Variants in RGS14 observed in about 807,000 individuals in gnomAD.
RGS14 encodes regulator of G-protein signaling 14.
RGS14 carries 33 observed loss-of-function variants against 63.8 expected under a neutral mutation model. That is an observed-to-expected ratio of 0.52 (90% CI 0.39 to 0.69). The LOEUF is 0.69. Ranked by LOEUF, RGS14 falls within the 30% of genes least tolerant of loss-of-function variation. The probability of loss-of-function intolerance (pLI) is 0.00; values close to 1 mark genes in which losing one functional copy is unlikely to be tolerated. For synonymous variants in RGS14, 296 were observed against 320.9 expected (o/e 0.92, Z 0.83); for missense variants, 739 against 742.9 (o/e 0.99, Z 0.06).
At chr5:177,363,454 G>C (rs1245505470) in intron 1 of RGS14, among the ~76,000 whole-genome samples, 1 of 152,164 alleles carries the variant, frequency 6.6e-6, no homozygotes, top group Non-Finnish European at 1.5e-5. Context: ...GCCCGAAGTT[G>C]TAAAACTGGA....
chr5:177,358,083 C>T lies in RGS14; in HGVS notation c.45+14C>T. ...AACGGGCGCATGGTGAGTGTGGGCT[C>T]CGGGCCAGGGCCACGAGGAGGGGGT... On this transcript the variant is annotated intron_variant, in intron 1 of 14. Coordinates refer to ENST00000408923, the MANE Select transcript of RGS14 (RefSeq NM_006480.5). The surrounding 1 kb of genome is among the most constrained non-coding windows in gnomAD (Gnocchi z 4.8). The T allele has an allele frequency of 7.5e-7, 1 of 1,340,436 alleles. No individual in the cohort carries two copies. The highest frequency in any genetic ancestry group is 2.0e-5 in the South Asian group (1 of 49,816). The allele number at this position is 1,340,436 out of a possible 1,614,324, so 83.0% of individuals were successfully genotyped here. A position where few individuals can be genotyped will look rare whatever the true frequency, so the allele number is the denominator to read the frequency against.
Position 177,371,300 on chromosome 5 carries a change from AG to A in RGS14, c.1337-45del, listed in dbSNP as rs775746624. The A allele has an allele frequency of 6.2e-7, 1 of 1,613,816 alleles. No homozygotes were observed. The highest frequency in any genetic ancestry group is 8.5e-7 in the Non-Finnish European group (1 of 1,179,866). The stretch of plus-strand genomic sequence containing the variant: ...CTGGAACAGCTGTGGCCCAGGAGGA[AG>A]GGGGTCCAGGTGGGAGGCAAACACT... On this transcript the variant is annotated intron_variant, in intron 12 of 14. Transcript: ENST00000408923. This position sits in a 1 kb window ranked among gnomAD's most constrained non-coding sequence, Gnocchi z 6.1.
In RGS14 at chr5:177,368,846, A is replaced by T. The variant is rs746132172; in HGVS notation, c.979A>T (p.Met327Leu). The T allele has an allele frequency of 6.2e-7, 1 of 1,614,242 alleles. No homozygotes were observed. The highest frequency in any genetic ancestry group is 1.1e-5 in the South Asian group (1 of 91,088). ...CAGACCTGGCCTCACCATCCGAGAC[A>T]TGCTGGCAGGGATCTGTGAGAAACG... is the stretch of plus-strand genomic sequence containing the variant. Reference protein sequence around the residue: ...LARPGLTIRDMLAGICEKRGL... With the variant: ...LARPGLTIRDLLAGICEKRGL... Residue 327 changes from methionine (M) to leucine (L), a missense_variant, in exon 9 of 15, where the codon ATG (methionine) becomes TTG (leucine). Met to Leu is a conservative substitution (Grantham distance 15). Transcript: ENST00000408923.
In RGS14 at chr5:177,360,348, A is replaced by C. The variant is rs2127325517; in HGVS notation, c.45+2279A>C. ...CAGCACTTTGGAAGGCCAATGCAGG[A>C]GGATCGCTTGAGCCCAGGAGTTTGA... On this transcript the variant is annotated intron_variant, in intron 1 of 14. Coordinates refer to ENST00000408923, the MANE Select transcript of RGS14 (RefSeq NM_006480.5). 2.0e-5 allele frequency among the ~76,000 whole-genome samples: 3 copies of C among 152,036 alleles called. No individual in the cohort carries two copies. In the Middle Eastern group the frequency reaches 0.01, roughly 517 times the overall value.
intron 9 of RGS14, among the ~76,000 whole-genome samples, chr5:177,370,295 G>T (rs1237184821): frequency 1.3e-5 from 2 of 152,200 alleles, no homozygotes; most frequent in Non-Finnish European, 2.9e-5. Context: ...AGAGATCCCG[G>T]ATCTAGGCCT....
In RGS14 at chr5:177,359,299, T is replaced by C. The variant is rs1308122641; in HGVS notation, c.45+1230T>C. ...GCCAGCTCAGCCCCCCATCTCACTG[T>C]CTGCAGTACCGACCCCACAACGAAA... On this transcript the variant is annotated intron_variant, in intron 1 of 14. Transcript: ENST00000408923. This position sits in a 1 kb window ranked among gnomAD's most constrained non-coding sequence, Gnocchi z 4.4. Among the ~76,000 whole-genome samples the C allele has an allele frequency of 1.3e-5, 2 of 152,110 alleles. No homozygotes were observed. The highest frequency in any genetic ancestry group is 1.5e-5 in the Non-Finnish European group (1 of 68,004).
Position 177,371,947 on chromosome 5 carries a change from C to T in RGS14, c.1573C>T (p.Leu525=). The change falls in exon 15 of 15, where the codon CTG becomes TTG. Residue 525 remains leucine (L), a synonymous_variant. Transcript: ENST00000408923. This position sits in a 1 kb window ranked among gnomAD's most constrained non-coding sequence, Gnocchi z 6.1. ...DQRGLLRKED[L]VLPEFLQLPA... ...GAGGGGCCTTCTGAGGAAAGAGGAC[C>T]TGGTACTTCCAGAATTTCTGCAGCT... 1.2e-6 allele frequency: 2 copies of T among 1,614,160 alleles called. No individual in the cohort carries two copies. Among genetic ancestry groups the T allele is most frequent in the Middle Eastern group, 1.7e-4 (1 of 6,060 alleles).
chr5:177,369,381 T>C (rs971003639), intron 9 of RGS14, among the ~76,000 whole-genome samples: 3 of 152,160 alleles, frequency 2.0e-5, no homozygotes, highest in Non-Finnish European at 1.5e-5. Flanking sequence ...AGGAAACCAT[T>C]CAGTCAGGGG....
At chr5:177,370,728 C>A in intron 10 of RGS14, 64 bp downstream of exon 10, 1 of 1,578,222 alleles carries the variant, frequency 6.3e-7, no homozygotes, top group East Asian at 2.2e-5. Context: ...CCTGTTCTAG[C>A]TACCTGGCTC....
In RGS14 at chr5:177,371,757, A is replaced by T; in HGVS notation, c.1499-116A>T. 1.6e-6 allele frequency: 2 copies of T among 1,278,466 alleles called. No homozygotes were observed. Among genetic ancestry groups the T allele is most frequent in the Non-Finnish European group, 2.2e-6 (2 of 914,146 alleles). The allele number at this position is 1,278,466 out of a possible 1,614,324, so 79.2% of individuals were successfully genotyped here. A position where few individuals can be genotyped will look rare whatever the true frequency, so the allele number is the denominator to read the frequency against. On this transcript the variant is annotated intron_variant, in intron 14 of 14. Coordinates refer to ENST00000408923, the MANE Select transcript of RGS14 (RefSeq NM_006480.5). This position sits in a 1 kb window ranked among gnomAD's most constrained non-coding sequence, Gnocchi z 6.1. ...CAAAGGGGCTGGAACAGGGGGCCGC[A>T]GGCCATTGGTGCTGGGGCCAGGGAG... is the stretch of plus-strand genomic sequence containing the variant.
rs1002168469 is a variant in RGS14, at chr5:177,359,734, C to T, written c.45+1665C>T. Among the ~76,000 whole-genome samples, 4 of 152,232 alleles carry T rather than the reference C, an allele frequency of 2.6e-5. No homozygotes were observed. The highest frequency in any genetic ancestry group is 9.6e-5 in the African/African-American group (4 of 41,452). ...ATCCCGAGGGTCACAGATTGGCTGC[C>T]TGCTGGTCACTGAGTAGCTTCCCGT... On this transcript the variant is annotated intron_variant, in intron 1 of 14. Coordinates refer to ENST00000408923, the MANE Select transcript of RGS14 (RefSeq NM_006480.5). The surrounding 1 kb of genome is among the most constrained non-coding windows in gnomAD (Gnocchi z 4.4).
chr5:177,370,662 C>T lies in RGS14; in HGVS notation c.1125C>T (p.Phe375=), dbSNP rs781385554. 2 of 1,613,914 alleles carry T rather than the reference C, an allele frequency of 1.2e-6. No individual in the cohort carries two copies. Among genetic ancestry groups the T allele is most frequent in the East Asian group, 4.5e-5 (2 of 44,858 alleles). The change falls in exon 10 of 15, where the codon TTC becomes TTT. Residue 375 remains phenylalanine, a splice_region_variant and synonymous_variant. Coordinates refer to ENST00000408923, the MANE Select transcript of RGS14 (RefSeq NM_006480.5). ...TGCGGCTGGAAAACAGGATCACCTT[C>T]GAGTGAGTGTCCTGCCCCCAAGTCT... The part of the protein sequence containing the change: ...QEVRLENRIT[F]ELELTALERV...
Position 177,359,907 on chromosome 5 carries a change from G to A in RGS14, c.45+1838G>A, listed in dbSNP as rs951835571. 2.0e-5 allele frequency among the ~76,000 whole-genome samples: 3 copies of A among 152,178 alleles called. No individual in the cohort carries two copies. The highest frequency in any genetic ancestry group is 7.2e-5 in the African/African-American group (3 of 41,426). ...GGCTCAGAGAAGTAAATGCTGTGCCGAGGTCAGCCAGAGAGTAGAGCGTCA... is the reference window on the plus strand; with the variant it reads ...GGCTCAGAGAAGTAAATGCTGTGCCAAGGTCAGCCAGAGAGTAGAGCGTCA... On this transcript the variant is annotated intron_variant, in intron 1 of 14. Transcript: ENST00000408923. This position sits in a 1 kb window ranked among gnomAD's most constrained non-coding sequence, Gnocchi z 4.4.
intron 9 of RGS14, 86 bp from the exon 10 acceptor site, chr5:177,370,505 G>C (rs1459360278): frequency 1.7e-6 from 2 of 1,199,494 alleles, no homozygotes; most frequent in African/African-American, 3.0e-5. Context: ...GGTGGCCATG[G>C]GAGGGCGTGA....
intron 7 of RGS14, 34 bp from the exon 8 acceptor site, chr5:177,368,123 G>A (rs182424206): frequency 1.2e-6 from 2 of 1,604,040 alleles, no homozygotes; most frequent in Non-Finnish European, 1.7e-6. Context: ...TGAGGGCGGG[G>A]GGCTGTTCGC....
chr5:177,370,603 G>T lies in RGS14; in HGVS notation c.1066G>T (p.Asp356Tyr). 1.2e-6 allele frequency: 2 copies of T among 1,614,064 alleles called. No individual in the cohort carries two copies. Among genetic ancestry groups the T allele is most frequent in the Non-Finnish European group, 1.7e-6 (2 of 1,179,964 alleles). Residue 356 changes from aspartate (D) to tyrosine (Y), a missense_variant, in exon 10 of 15, where the codon GAT (aspartate) becomes TAT (tyrosine). Transcript: ENST00000408923. ...LVGNEQALVLDQDCTVLADQE... is the reference protein window; with the variant it reads ...LVGNEQALVLYQDCTVLADQE... ...GCATCCACAGAAGGCCCTGGTCCTGGATCAGGACTGCACCGTGCTGGCGGA... is the reference window on the plus strand; with the variant it reads ...GCATCCACAGAAGGCCCTGGTCCTGTATCAGGACTGCACCGTGCTGGCGGA...
At chr5:177,370,698 T>TCCTGACGCTCCCTTCAGGC in intron 10 of RGS14, 34 bp downstream of exon 10, 1 of 1,603,820 alleles carries the variant, frequency 6.2e-7, no homozygotes, top group Non-Finnish European at 8.5e-7. Context: ...GGGTCCCAGG[T>TCCTGACGCTCCCTTCAGGC]CCTGACGCTC....
Position 177,370,890 on chromosome 5 carries a change from G to A in RGS14, c.1128-15G>A, listed in dbSNP as rs200640524. 78 of 1,598,214 alleles carry A rather than the reference G, an allele frequency of 4.9e-5. No individual in the cohort carries two copies. Among genetic ancestry groups the A allele is most frequent in the Non-Finnish European group, 1.5e-5 (18 of 1,177,788 alleles). ...CCGGCCCTCCGGCCCTCTGCTGCCC[G>A]AGGGTTCCTCGCAGGCTGGAGCTGA... On this transcript the variant is annotated splice_polypyrimidine_tract_variant and intron_variant, in intron 10 of 14. Transcript: ENST00000408923.
intron 9 of RGS14, among the ~76,000 whole-genome samples, 197 bp from the exon 10 acceptor site, chr5:177,370,394 T>C (rs1186671036): frequency 1.3e-5 from 2 of 152,350 alleles, no homozygotes; most frequent in Non-Finnish European, 2.9e-5. Flanking sequence ...CTTTTCTCCC[T>C]GGCCTTGGCT....
Sources: gnomAD v4.1 joint callset for allele counts (sites outside exome capture counted in the v4.1 genomes callset) on GRCh38, gnomAD v4.1.1 for gene constraint, Gnocchi (gnomAD v3.1) non-coding constraint, MANE v1.5 for transcripts, NCBI Gene and HGNC (gene_info 2026-07-23, HGNC 2026-07-21) for gene names.